The following DTD1 variants were observed in gnomAD, a reference collection of about 807,000 sequenced individuals.
The protein encoded by DTD1 is D-tyrosyl-tRNA deacylase 1 homolog.
A neutral mutation model predicts 25.6 loss-of-function variants in DTD1; 13 were observed. That is an observed-to-expected ratio of 0.51 (90% CI 0.33 to 0.81). DTD1 has a LOEUF of 0.81. Ranked by LOEUF, DTD1 falls within the 30% of genes least tolerant of loss-of-function variation. DTD1 has a pLI of 0.02. For missense variants in DTD1, 193 were observed against 266.4 expected (o/e 0.72, Z 1.92); for synonymous variants, 110 against 103.6 (o/e 1.06, Z -0.37).
At chr20:18,667,678 G>A (rs547058126) in intron 4 of DTD1, among the ~76,000 whole-genome samples, 12 of 152,270 alleles carry the variant, frequency 7.9e-5, no homozygotes, top group Non-Finnish European at 1.2e-4. Context: ...ACATGGATCC[G>A]TCTGCCTTAT....
chr20:18,685,761 C>A (rs1337738129), intron 4 of DTD1, among the ~76,000 whole-genome samples: 1 of 152,206 alleles, frequency 6.6e-6, no homozygotes, highest in Non-Finnish European at 1.5e-5. Context: ...TTTGATGTGA[C>A]ATCCCAAATG....
At position 18,596,098 on chromosome 20, in the gene DTD1, G is replaced by C; in HGVS notation, c.227G>C (p.Cys76Ser). 4 of 1,614,198 alleles carry C rather than the reference G, an allele frequency of 2.5e-6. No homozygotes were observed. The highest frequency in any genetic ancestry group is 3.4e-6 in the Non-Finnish European group (4 of 1,180,032). Residue 76 changes from cysteine (C) to serine (S), a missense_variant, in exon 3 of 6, where the codon TGT (cysteine) becomes TCT (serine). Physicochemically the swap from Cys to Ser is moderately radical, Grantham distance 112. Transcript: ENST00000377452. Reference protein sequence around the residue: ...SVMDKQYEILCVSQFTLQCVL... With the variant: ...SVMDKQYEILSVSQFTLQCVL... ...ATGGACAAACAGTACGAGATTCTGT[G>C]TGTCAGCCAGTTTACCCTCCAGTGT...
At chr20:18,744,427 T>C (rs1380053030) in intron 5 of DTD1, among the ~76,000 whole-genome samples, 156 bp downstream of exon 5, 1 of 152,078 alleles carries the variant, frequency 6.6e-6, no homozygotes, top group Non-Finnish European at 1.5e-5. Flanking sequence ...CAAAAGTTAG[T>C]GTGTTAGTCC....
At chr20:18,655,850 A>G (rs1256031903) in intron 4 of DTD1, among the ~76,000 whole-genome samples, 3 of 152,062 alleles carry the variant, frequency 2.0e-5, no homozygotes, top group Non-Finnish European at 4.4e-5. Flanking sequence ...GCTCACAGCA[A>G]TCTCCGCCTC....
At chr20:18,727,146 A>G (rs1170969405) in intron 4 of DTD1, among the ~76,000 whole-genome samples, 3 of 152,142 alleles carry the variant, frequency 2.0e-5, no homozygotes, top group Admixed American at 6.5e-5. Flanking sequence ...AGGCCTGGGC[A>G]GGGCCCATGG....
At chr20:18,653,708 A>G (rs913014047) in intron 4 of DTD1, among the ~76,000 whole-genome samples, 20 of 152,354 alleles carry the variant, frequency 1.3e-4, no homozygotes, top group African/African-American at 4.6e-4. Context: ...TTTACTAGTT[A>G]AAAATGAAAT....
intron 4 of DTD1, among the ~76,000 whole-genome samples, chr20:18,717,298 T>A (rs1261199408): frequency 6.6e-6 from 1 of 152,192 alleles, no homozygotes; most frequent in African/African-American, 2.4e-5. Context: ...ATTACAGTGG[T>A]ACAGTATGTA....
chr20:18,624,090 T>G (rs1246002429), intron 3 of DTD1, among the ~76,000 whole-genome samples: 1 of 152,086 alleles, frequency 6.6e-6, no homozygotes, highest in Non-Finnish European at 1.5e-5. Context: ...GAGCCTATGT[T>G]AGGCTGCTCC....
At position 18,741,725 on chromosome 20, in the gene DTD1, T is replaced by A. The variant is rs73601844; in HGVS notation, c.478-2375T>A. 1.2e-4 allele frequency among the ~76,000 whole-genome samples: 19 copies of A among 152,060 alleles called. 1 individual carries two copies. In the East Asian group the frequency reaches 3.3e-3, roughly 26 times the overall value. ...TTCAAGATTTATCTATTTTTTTTAATTAAAAAAAATTTTTTTTGAGACAGT... is the reference window on the plus strand; with the variant it reads ...TTCAAGATTTATCTATTTTTTTTAAATAAAAAAAATTTTTTTTGAGACAGT... On this transcript the variant is annotated intron_variant, in intron 4 of 5. Transcript: ENST00000377452.
chr20:18,754,836 G>C (rs774056213), intron 5 of DTD1, among the ~76,000 whole-genome samples: 1 of 152,224 alleles, frequency 6.6e-6, no homozygotes, highest in South Asian at 2.1e-4. Flanking sequence ...TGTAGTGGGC[G>C]GTGGCTTTCA....
At chr20:18,619,534 C>T (rs1218809957) in intron 3 of DTD1, among the ~76,000 whole-genome samples, 4 of 152,174 alleles carry the variant, frequency 2.6e-5, no homozygotes, top group African/African-American at 9.7e-5. Context: ...ACACGATTCT[C>T]CTGCCTCAGT....
At chr20:18,644,807 G>T (rs994818811) in intron 4 of DTD1, among the ~76,000 whole-genome samples, 1 of 152,158 alleles carries the variant, frequency 6.6e-6, no homozygotes, top group African/African-American at 2.4e-5. Flanking sequence ...TCAAGGGAAG[G>T]AGGAGGAAAG....
At chr20:18,591,854 A>ATAGATTAT (rs1959320640) in intron 1 of DTD1, among the ~76,000 whole-genome samples, 1 of 152,258 alleles carries the variant, frequency 6.6e-6, no homozygotes, top group South Asian at 2.1e-4. Context: ...CTATGTCAGG[A>ATAGATTAT]TAGATTATTT....
intron 4 of DTD1, among the ~76,000 whole-genome samples, chr20:18,665,450 T>G (rs1049765638): frequency 2.0e-5 from 3 of 152,230 alleles, no homozygotes; most frequent in African/African-American, 7.2e-5. Flanking sequence ...GAGTCAGACC[T>G]GCCTTTCCAT....
chr20:18,627,863 G>A (rs6132089), intron 3 of DTD1, among the ~76,000 whole-genome samples: 21,950 of 152,048 alleles, frequency 0.14, 1,704 homozygotes, highest in Admixed American at 0.2. Context: ...TTTTAAAAAC[G>A]GGAGTTTCCC....
intron 4 of DTD1, among the ~76,000 whole-genome samples, chr20:18,682,607 T>G (rs2061002208): frequency 6.6e-6 from 1 of 152,236 alleles, no homozygotes. Context: ...TCTTTCTTGC[T>G]GGTAGACAGG....
At chr20:18,632,932 G>T (rs924450187) in intron 4 of DTD1, among the ~76,000 whole-genome samples, 3 of 152,170 alleles carry the variant, frequency 2.0e-5, no homozygotes, top group Admixed American at 1.3e-4. Context: ...TGTCGTTTTG[G>T]TATTTGATGG....
intron 4 of DTD1, among the ~76,000 whole-genome samples, chr20:18,692,562 A>T (rs974133785): frequency 1.3e-5 from 2 of 152,212 alleles, no homozygotes; most frequent in African/African-American, 4.8e-5. Context: ...AATGCCTGCT[A>T]GCTATGGCAC....
chr20:18,740,238 C>G (rs1260377508), intron 4 of DTD1, among the ~76,000 whole-genome samples: 1 of 119,304 alleles, frequency 8.4e-6, no homozygotes, highest in Non-Finnish European at 1.9e-5. Context: ...CACAAAGAGG[C>G]CTTTGCATGA....
Sources: allele counts gnomAD v4.1 joint callset (sites outside exome capture counted in the v4.1 genomes callset), GRCh38; gene constraint gnomAD v4.1.1; transcripts MANE v1.5; gene names NCBI Gene and HGNC (gene_info 2026-07-23, HGNC 2026-07-21).